The following SLC35F4 variants were observed in gnomAD, a reference collection of about 807,000 sequenced individuals.
SLC35F4 encodes the protein chromosome 14 open reading frame 36.
SLC35F4 carries 24 observed loss-of-function variants against 44.2 expected under a neutral mutation model. The observed-to-expected ratio is 0.54, with a 90% CI of 0.39 to 0.76. The LOEUF is 0.76. SLC35F4 is among the 30% of genes least tolerant of loss of function. SLC35F4 has a pLI of 0.00. For missense variants in SLC35F4, 562 were observed against 586.1 expected (o/e 0.96, Z 0.42); for synonymous variants, 238 against 223.6 (o/e 1.06, Z -0.57).
At chr14:57,819,522 T>C (rs1279304247) in intron 1 of SLC35F4, among the ~76,000 whole-genome samples, 2 of 151,650 alleles carry the variant, frequency 1.3e-5, no homozygotes, top group African/African-American at 2.4e-5. Flanking sequence ...ATAGAAGAAA[T>C]AGGCTGGGCA....
chr14:57,927,501 T>TC (rs915502463), intron 1 of SLC35F4, among the ~76,000 whole-genome samples: 3 of 151,836 alleles, frequency 2.0e-5, no homozygotes, highest in Non-Finnish European at 4.4e-5. Context: ...TTCTTCTTTT[T>TC]TTTTTTTGAG....
rs374608972 is a variant in SLC35F4, at chr14:57,923,389, C to T, written n.282+58524G>A. On this transcript the variant is annotated intron_variant and non_coding_transcript_variant, in intron 1 of 1. Transcript: ENST00000556568. Reference sequence around the variant, plus strand: ...TACTTTGCTCACTGACATTCCTCCACGCACTCAGCCACCCAGGTGAACTGA... The same window carrying T: ...TACTTTGCTCACTGACATTCCTCCATGCACTCAGCCACCCAGGTGAACTGA... 1.6e-4 allele frequency among the ~76,000 whole-genome samples: 25 copies of T among 152,336 alleles called. No homozygotes were observed. The East Asian group carries it at 2.3e-3, about 14-fold the overall frequency.
At chr14:57,981,082 A>C (rs1881365650) in intron 1 of SLC35F4, among the ~76,000 whole-genome samples, 1 of 152,148 alleles carries the variant, frequency 6.6e-6, no homozygotes, top group Non-Finnish European at 1.5e-5. Context: ...CAAACTTCTG[A>C]GCTCCCTTCC....
chr14:57,692,711 G>A (rs148419137), intron 1 of SLC35F4, among the ~76,000 whole-genome samples: 143 of 152,040 alleles, frequency 9.4e-4, no homozygotes, highest in African/African-American at 3.3e-3. Flanking sequence ...AATCTGTAGT[G>A]AGGGATCAGC....
intron 1 of SLC35F4, among the ~76,000 whole-genome samples, chr14:57,909,339 A>G (rs1370799823): frequency 6.6e-6 from 1 of 152,052 alleles, no homozygotes; most frequent in African/African-American, 2.4e-5. Flanking sequence ...TCTACATTCT[A>G]TGGGATTTGA....
chr14:57,762,776 T>C (rs891939192), intron 1 of SLC35F4, among the ~76,000 whole-genome samples: 22 of 152,134 alleles, frequency 1.4e-4, no homozygotes, highest in Admixed American at 7.2e-4. Context: ...TTCTACCATA[T>C]TATGATGCAG....
chr14:57,621,310 A>T (rs1486812029), intron 1 of SLC35F4, among the ~76,000 whole-genome samples: 1 of 150,976 alleles, frequency 6.6e-6, no homozygotes, highest in African/African-American at 2.4e-5. Flanking sequence ...AGAATTGGAA[A>T]AAACTACTTT....
At chr14:57,815,982 A>G (rs1882524920) in intron 1 of SLC35F4, among the ~76,000 whole-genome samples, 1 of 152,230 alleles carries the variant, frequency 6.6e-6, no homozygotes, top group African/African-American at 2.4e-5. Flanking sequence ...ATAAAGAAGC[A>G]AATAGAGAGC....
At chr14:57,895,600 C>G (rs1595274303) in intron 1 of SLC35F4, among the ~76,000 whole-genome samples, 1 of 151,706 alleles carries the variant, frequency 6.6e-6, no homozygotes, top group Non-Finnish European at 1.5e-5. Flanking sequence ...CTCTCTCTCT[C>G]TCTGTCTCTC....
chr14:57,589,851 C>T (rs2070044665), intron 2 of SLC35F4, among the ~76,000 whole-genome samples: 1 of 152,176 alleles, frequency 6.6e-6, no homozygotes, highest in African/African-American at 2.4e-5. Context: ...CCTGCGCTTT[C>T]TATTGAATGT....
chr14:57,726,494 ATATTT>A (rs1412734793), intron 1 of SLC35F4, among the ~76,000 whole-genome samples: 4 of 152,288 alleles, frequency 2.6e-5, no homozygotes, highest in East Asian at 1.9e-4. Context: ...TTGTACTAAT[ATATTT>A]TATTTCCTTT....
intron 1 of SLC35F4, among the ~76,000 whole-genome samples, chr14:57,669,142 G>T (rs1327429239): frequency 1.3e-5 from 2 of 151,906 alleles, no homozygotes; most frequent in African/African-American, 2.4e-5. Flanking sequence ...GTCTGTTATT[G>T]GTGTATAAGA....
intron 1 of SLC35F4, among the ~76,000 whole-genome samples, chr14:57,616,607 C>A (rs1008380634): frequency 1.3e-5 from 2 of 152,186 alleles, no homozygotes. Flanking sequence ...GTCTTCCCAG[C>A]GCATTTGAGA....
intron 1 of SLC35F4, among the ~76,000 whole-genome samples, chr14:57,802,398 A>T (rs780609116): frequency 2.0e-5 from 3 of 152,040 alleles, no homozygotes; most frequent in Admixed American, 2.0e-4. Context: ...ACAACCTAAC[A>T]TCTCAACTAT....
chr14:57,711,715 T>A (rs573644659), intron 1 of SLC35F4, among the ~76,000 whole-genome samples: 1 of 152,258 alleles, frequency 6.6e-6, no homozygotes, highest in Non-Finnish European at 1.5e-5. Flanking sequence ...TGTACACACA[T>A]ATACCAGAAA....
At chr14:57,881,850 C>A (rs948619690) in intron 1 of SLC35F4, among the ~76,000 whole-genome samples, 3 of 152,108 alleles carry the variant, frequency 2.0e-5, no homozygotes, top group Non-Finnish European at 4.4e-5. Context: ...CGTAAATAGT[C>A]CCTATAGGTC....
chr14:57,869,076 G>T (rs1172694072), upstream of SLC35F4, among the ~76,000 whole-genome samples: 1 of 151,888 alleles, frequency 6.6e-6, no homozygotes, highest in Non-Finnish European at 1.5e-5. Context: ...CAAGCAGAGG[G>T]TATCTATCTG....
chr14:57,794,003 A>G (rs2077992802), intron 1 of SLC35F4, among the ~76,000 whole-genome samples: 1 of 152,046 alleles, frequency 6.6e-6, no homozygotes, highest in African/African-American at 2.4e-5. Context: ...AAAATTGTAG[A>G]AGAATGCAGA....
intron 1 of SLC35F4, among the ~76,000 whole-genome samples, chr14:57,808,971 T>C (rs997392314): frequency 2.0e-5 from 3 of 152,158 alleles, no homozygotes; most frequent in African/African-American, 7.2e-5. Flanking sequence ...CTACAGGAGG[T>C]TGAATAGCCC....
Sources: allele counts gnomAD v4.1 joint callset (sites outside exome capture counted in the v4.1 genomes callset), GRCh38; gene constraint gnomAD v4.1.1; transcripts MANE v1.5; gene names NCBI Gene and HGNC (gene_info 2026-07-23, HGNC 2026-07-21).